The following MAP3K3 variants were observed in gnomAD, a reference collection of about 807,000 sequenced individuals.
MAP3K3 encodes mitogen-activated protein kinase kinase kinase 3.
MAP3K3 carries 12 observed loss-of-function variants against 80.9 expected under a neutral mutation model. That is an observed-to-expected ratio of 0.15 (90% CI 0.10 to 0.24). The LOEUF is 0.24. Among genes scored for constraint, MAP3K3 ranks in the 10% least tolerant of loss-of-function variants. The pLI is 1.00. For synonymous variants in MAP3K3, 272 were observed against 307.1 expected (o/e 0.89, Z 1.19); for missense variants, 596 against 834.7 (o/e 0.71, Z 3.52).
intron 2 of MAP3K3, chr17:63,634,630 C>T (rs2034283805): frequency 8.6e-7 from 1 of 1,168,174 alleles, no homozygotes. Context: ...TCTTTGGATC[C>T]ATGATTTACT....
At chr17:63,653,687 C>G (rs191581760) in intron 4 of MAP3K3, among the ~76,000 whole-genome samples, 1 of 152,218 alleles carries the variant, frequency 6.6e-6, no homozygotes, top group Admixed American at 6.5e-5. Flanking sequence ...GCCCTTTAAA[C>G]CCTGCACTGT....
Position 63,692,030 on chromosome 17 carries a change from C to A in MAP3K3, c.1474+168C>A, listed in dbSNP as rs773698521. Among the ~76,000 whole-genome samples the A allele has an allele frequency of 9.9e-5, 15 of 152,148 alleles. No homozygotes were observed. Among genetic ancestry groups the A allele is most frequent in the Non-Finnish European group, 1.3e-4 (9 of 68,040 alleles). On this transcript the variant is annotated intron_variant, in intron 14 of 15. Transcript: ENST00000361733. The surrounding 1 kb of genome is among the most constrained non-coding windows in gnomAD (Gnocchi z 4.5). ...GGTTGAGCAATATGAGAGAATATTG[C>A]CAAGTTCCCTCTACATGTGGGCCTT...
chr17:63,676,545 A>G (rs1376356557), intron 6 of MAP3K3, among the ~76,000 whole-genome samples: 6 of 152,246 alleles, frequency 3.9e-5, no homozygotes, highest in African/African-American at 7.2e-5. Context: ...TCTAGGTAAA[A>G]TGTATAATAC....
At chr17:63,665,816 G>A (rs545931708) in intron 5 of MAP3K3, among the ~76,000 whole-genome samples, 3 of 152,336 alleles carry the variant, frequency 2.0e-5, no homozygotes, top group Admixed American at 2.0e-4. Flanking sequence ...ATAAAGTCTG[G>A]CATGGGGACT....
rs115181628 is a variant in MAP3K3 at position 63,692,743 on chromosome 17, A to G, written c.1652+324A>G. On this transcript the variant is annotated intron_variant, in intron 15 of 15. Transcript: ENST00000361733. This position sits in a 1 kb window ranked among gnomAD's most constrained non-coding sequence, Gnocchi z 4.5. ...GGAGCAGGCTTCTGTCCCTTCTCCTAGCACTCAAGACAGTTTGCACTTGCT... is the reference window on the plus strand; with the variant it reads ...GGAGCAGGCTTCTGTCCCTTCTCCTGGCACTCAAGACAGTTTGCACTTGCT... 6.6e-6 allele frequency among the ~76,000 whole-genome samples: 1 copy of G among 152,326 alleles called. No individual in the cohort carries two copies. The highest frequency in any genetic ancestry group is 2.4e-5 in the African/African-American group (1 of 41,566).
At chr17:63,630,492 AATTTTTTGT>A in intron 1 of MAP3K3, among the ~76,000 whole-genome samples, 1 of 152,048 alleles carries the variant, frequency 6.6e-6, no homozygotes, top group African/African-American at 2.4e-5. Context: ...ATGCCCAGCT[AATTTTTTGT>A]ATTTTTTGTA....
intron 2 of MAP3K3, among the ~76,000 whole-genome samples, chr17:63,637,555 G>A (rs1386342007): frequency 1.3e-5 from 2 of 152,240 alleles, no homozygotes; most frequent in Non-Finnish European, 2.9e-5. Context: ...ATGTACAAAT[G>A]TGAAGTTGCA....
chr17:63,663,157 G>A (rs1248197659), intron 5 of MAP3K3, among the ~76,000 whole-genome samples: 2 of 152,160 alleles, frequency 1.3e-5, no homozygotes, highest in African/African-American at 4.8e-5. Flanking sequence ...ATGTCCAGAA[G>A]ACAAAATTTT....
At chr17:63,682,017 CT>C in intron 7 of MAP3K3, 118 bp downstream of exon 7, 1 of 953,066 alleles carries the variant, frequency 1.0e-6, no homozygotes, top group Non-Finnish European at 1.4e-6. Context: ...TTTGAAAGCT[CT>C]TTTATAAACC....
chr17:63,694,094 A>C lies in MAP3K3; in HGVS notation c.*317A>C, dbSNP rs147562286. 3.2e-3 allele frequency: 904 copies of C among 284,510 alleles called. 20 individuals carry two copies. The highest frequency in any genetic ancestry group is 0.018 in the African/African-American group (839 of 45,552). 17.6% of individuals were successfully genotyped at this position (284,510 alleles called of 1,614,324 possible). ...CTCGGGGATGTGTCCTGACACTGCA[A>C]TTGGCACCGAAGCCCAGAGGGTCTG... On this transcript the variant is annotated 3_prime_UTR_variant, in exon 16 of 16. Transcript: ENST00000361733.
intron 2 of MAP3K3, among the ~76,000 whole-genome samples, chr17:63,633,586 G>A (rs2034261358): frequency 1.3e-5 from 2 of 152,110 alleles, no homozygotes; most frequent in African/African-American, 4.8e-5. Flanking sequence ...TATTGATAGT[G>A]CCTGTTTTAT....
Position 63,632,727 on chromosome 17 carries a change from C to T in MAP3K3, c.51C>T (p.Leu17=), listed in dbSNP as rs1486612864. The T allele has an allele frequency of 6.2e-7, 1 of 1,614,062 alleles. No individual in the cohort carries two copies. Among genetic ancestry groups the T allele is most frequent in the Non-Finnish European group, 8.5e-7 (1 of 1,180,002 alleles). Residue 17 remains leucine, a synonymous_variant, in exon 2 of 16, where the codon CTC becomes CTT. Coordinates refer to ENST00000361733, the MANE Select transcript of MAP3K3 (RefSeq NM_002401.5). The stretch of plus-strand genomic sequence containing the variant: ...CAATCATGAACGATCTGGTGGCCCT[C>T]CAGATGAACCGACGTCACCGGATGC... ...LNSIMNDLVA[L]QMNRRHRMPG...
In MAP3K3 at chr17:63,688,778, G is replaced by A; in HGVS notation, c.779-11G>A. ...CTACCCAGAAGCCAGTGATTCCCCT[G>A]TCTTACTCAGATCGGGAAACTCAGC... On this transcript the variant is annotated splice_polypyrimidine_tract_variant and intron_variant, in intron 9 of 15. Coordinates refer to ENST00000361733, the MANE Select transcript of MAP3K3 (RefSeq NM_002401.5). 6.2e-7 allele frequency: 1 copy of A among 1,600,094 alleles called. No individual in the cohort carries two copies.
At chr17:63,674,686 A>C (rs2035181033) in intron 6 of MAP3K3, among the ~76,000 whole-genome samples, 1 of 152,118 alleles carries the variant, frequency 6.6e-6, no homozygotes, top group South Asian at 2.1e-4. Context: ...GAGGAAGTGT[A>C]TGAAGGGAGG....
At chr17:63,681,119 A>C (rs1337982669) in intron 6 of MAP3K3, among the ~76,000 whole-genome samples, 1 of 152,042 alleles carries the variant, frequency 6.6e-6, no homozygotes, top group Non-Finnish European at 1.5e-5. Context: ...ATTTAAAAAA[A>C]AAAAAAAAAA....
chr17:63,674,045 G>A (rs1356277749), intron 6 of MAP3K3, among the ~76,000 whole-genome samples: 2 of 150,482 alleles, frequency 1.3e-5, no homozygotes, highest in Non-Finnish European at 3.0e-5. Flanking sequence ...GTGCCACTGC[G>A]CTCCAGCTTA....
intron 6 of MAP3K3, among the ~76,000 whole-genome samples, chr17:63,678,170 C>G (rs1029231342): frequency 6.6e-6 from 1 of 152,084 alleles, no homozygotes; most frequent in African/African-American, 2.4e-5. Context: ...GGGTTTCCCT[C>G]TGCGCAATGT....
chr17:63,668,881 G>A (rs2035048774), intron 6 of MAP3K3, among the ~76,000 whole-genome samples: 1 of 152,214 alleles, frequency 6.6e-6, no homozygotes, highest in African/African-American at 2.4e-5. Flanking sequence ...ATTTGAAAGA[G>A]CAAGGGTGGC....
intron 6 of MAP3K3, among the ~76,000 whole-genome samples, chr17:63,668,911 G>A (rs971468742): frequency 2.0e-5 from 3 of 152,190 alleles, no homozygotes; most frequent in African/African-American, 4.8e-5. Context: ...TTCCGCCTGG[G>A]AGAGAGGGGC....
Sources: gnomAD v4.1 joint callset for allele counts (sites outside exome capture counted in the v4.1 genomes callset) on GRCh38, gnomAD v4.1.1 for gene constraint, Gnocchi (gnomAD v3.1) non-coding constraint, MANE v1.5 for transcripts, NCBI Gene and HGNC (gene_info 2026-07-23, HGNC 2026-07-21) for gene names.